Variants in NTM observed in about 807,000 individuals in gnomAD.
The protein encoded by NTM is IgLON family member 2.
Under a neutral mutation model 42.1 loss-of-function variants are expected in NTM, and 13 were observed. The observed-to-expected ratio is 0.31, with a 90% CI of 0.20 to 0.49. The LOEUF (loss-of-function observed/expected upper bound fraction) is 0.49. Ranked by LOEUF, NTM falls within the 20% of genes least tolerant of loss-of-function variation. The pLI is 0.99. For missense variants in NTM, 373 were observed against 452.8 expected (o/e 0.82, Z 1.60); for synonymous variants, 187 against 179.2 (o/e 1.04, Z -0.35).
intron 1 of NTM, among the ~76,000 whole-genome samples, chr11:131,376,956 C>T (rs1041207181): frequency 6.6e-6 from 1 of 152,152 alleles, no homozygotes; most frequent in Non-Finnish European, 1.5e-5. Context: ...AAGCAACTAA[C>T]GGATAAGACC....
At chr11:131,883,612 A>G (rs1176064389) in intron 1 of NTM, among the ~76,000 whole-genome samples, 1 of 152,184 alleles carries the variant, frequency 6.6e-6, no homozygotes, top group African/African-American at 2.4e-5. Context: ...TGGCAGAATC[A>G]AGGCTCAGAC....
intron 1 of NTM, among the ~76,000 whole-genome samples, chr11:131,549,778 T>C (rs1474653718): frequency 2.6e-5 from 4 of 152,158 alleles, no homozygotes; most frequent in African/African-American, 9.7e-5. Context: ...TCTTCATTAG[T>C]GGAGAGGCTG....
chr11:132,238,158 T>C (rs1055310928), intron 4 of NTM, among the ~76,000 whole-genome samples: 3 of 152,158 alleles, frequency 2.0e-5, no homozygotes, highest in African/African-American at 4.8e-5. Context: ...GCCACTCTTT[T>C]TGATATACCC....
At chr11:132,309,979 C>CTG in intron 5 of NTM, 133 bp from the exon 6 acceptor site, 1 of 1,099,988 alleles carries the variant, frequency 9.1e-7, no homozygotes, top group African/African-American at 1.6e-5. Flanking sequence ...TTGCTTGAAC[C>CTG]CGGGAGGCAG....
intron 2 of NTM, among the ~76,000 whole-genome samples, chr11:132,020,934 T>A (rs1214814575): frequency 6.6e-6 from 1 of 152,180 alleles, no homozygotes; most frequent in Non-Finnish European, 1.5e-5. Flanking sequence ...TCTAGATTAG[T>A]GTTTTTAATC....
At chr11:131,936,011 TTA>T (rs559967974) in intron 2 of NTM, among the ~76,000 whole-genome samples, 1 of 151,942 alleles carries the variant, frequency 6.6e-6, no homozygotes, top group Non-Finnish European at 1.5e-5. Context: ...CATGGAAATT[TTA>T]TATATATATG....
At position 131,838,962 on chromosome 11, in the gene NTM, C is replaced by CTTT. The variant is rs552384739; in HGVS notation, c.83-72587_83-72585dup. ...ATGGTAAATGAAATAAGTAAATAAT[C>CTTT]TTTTTTTTTTTTTTTTTAGATGGAG... is the stretch of plus-strand genomic sequence containing the variant. On this transcript the variant is annotated intron_variant, in intron 1 of 8. Transcript: ENST00000683400. 1.6e-3 allele frequency among the ~76,000 whole-genome samples: 222 copies of CTTT among 137,128 alleles called. 3 individuals are homozygous for CTTT. Among genetic ancestry groups the CTTT allele is most frequent in the African/African-American group, 5.7e-3 (211 of 37,230 alleles). 90.0% of individuals were successfully genotyped at this position (137,128 alleles called of 152,430 possible).
chr11:132,072,201 A>G (rs1054533452), intron 2 of NTM, among the ~76,000 whole-genome samples: 27 of 152,080 alleles, frequency 1.8e-4, no homozygotes, highest in Non-Finnish European at 7.4e-5. Context: ...ATGGCTGCAA[A>G]CCCCCCAAGC....
intron 2 of NTM, among the ~76,000 whole-genome samples, chr11:131,986,841 T>A (rs2066147296): frequency 6.6e-6 from 1 of 152,204 alleles, no homozygotes; most frequent in African/African-American, 2.4e-5. Flanking sequence ...ATGATCCTTA[T>A]TCCTTAGTCT....
chr11:131,664,255 A>T (rs2068596344), intron 1 of NTM, among the ~76,000 whole-genome samples: 1 of 152,258 alleles, frequency 6.6e-6, no homozygotes, highest in African/African-American at 2.4e-5. Context: ...ATGGGACAGA[A>T]GCATGGTAGT....
At chr11:131,759,213 C>G (rs1220176574) in intron 1 of NTM, among the ~76,000 whole-genome samples, 1 of 152,168 alleles carries the variant, frequency 6.6e-6, no homozygotes, top group East Asian at 1.9e-4. Context: ...ACTGTGCTCT[C>G]CATACTCTGG....
chr11:131,372,712 C>A (rs768132168), intron 1 of NTM, among the ~76,000 whole-genome samples: 5 of 152,166 alleles, frequency 3.3e-5, no homozygotes, highest in Non-Finnish European at 5.9e-5. Context: ...AATGACCAAA[C>A]TTCCACCATC....
At chr11:132,027,710 G>A (rs889135298) in intron 2 of NTM, among the ~76,000 whole-genome samples, 6 of 152,120 alleles carry the variant, frequency 3.9e-5, no homozygotes, top group Non-Finnish European at 5.9e-5. Context: ...AATAAGATAT[G>A]CCTAGGTGTA....
intron 3 of NTM, among the ~76,000 whole-genome samples, chr11:132,194,527 G>C (rs1425092155): frequency 6.6e-6 from 1 of 152,048 alleles, no homozygotes; most frequent in South Asian, 2.1e-4. Context: ...ACGGACAAAA[G>C]CTGGAACCAT....
At chr11:131,434,584 C>T (rs537607215) in intron 1 of NTM, among the ~76,000 whole-genome samples, 18 of 152,270 alleles carry the variant, frequency 1.2e-4, no homozygotes, top group African/African-American at 3.6e-4. Flanking sequence ...GCATAAATAT[C>T]TTCTTTTGAG....
At chr11:131,423,376 T>A (rs1380689445) in intron 1 of NTM, among the ~76,000 whole-genome samples, 2 of 152,192 alleles carry the variant, frequency 1.3e-5, no homozygotes, top group Non-Finnish European at 2.9e-5. Context: ...TCTGCTATGA[T>A]GAGTTAGAGG....
rs557245645 is a variant in NTM at position 132,257,855 on chromosome 11, G to A, written c.526+45708G>A. Among the ~76,000 whole-genome samples, 28 of 152,262 alleles carry A rather than the reference G, an allele frequency of 1.8e-4. No individual in the cohort carries two copies. In the South Asian group the frequency reaches 2.9e-3, roughly 16 times the overall value. ...TTTCTCCTCTGTCTCCCTGCTCCCC[G>A]TGAGACACAGCTCATTTGTTTTCCT... On this transcript the variant is annotated intron_variant, in intron 4 of 8. Transcript: ENST00000683400.
chr11:132,107,971 T>C (rs1045293837), intron 2 of NTM, among the ~76,000 whole-genome samples: 2 of 152,336 alleles, frequency 1.3e-5, no homozygotes, highest in African/African-American at 4.8e-5. Context: ...ATAGGTATAG[T>C]GATCTGATAG....
At chr11:131,932,929 C>T (rs767528046) in intron 2 of NTM, among the ~76,000 whole-genome samples, 1 of 152,108 alleles carries the variant, frequency 6.6e-6, no homozygotes, top group African/African-American at 2.4e-5. Flanking sequence ...AAGCCAGAAG[C>T]CATAAATAGA....
Sources: gnomAD v4.1 joint callset for allele counts (sites outside exome capture counted in the v4.1 genomes callset) on GRCh38, gnomAD v4.1.1 for gene constraint, MANE v1.5 for transcripts, NCBI Gene and HGNC (gene_info 2026-07-23, HGNC 2026-07-21) for gene names.